Variants in HIP1R observed in about 807,000 individuals in gnomAD.
The protein encoded by HIP1R is huntingtin interacting protein 1 related.
Under a neutral mutation model 144.2 loss-of-function variants are expected in HIP1R, and 135 were observed. The observed-to-expected ratio is 0.94, with a 90% confidence interval of 0.81 to 1.08. HIP1R has a LOEUF of 1.08. HIP1R is among the 50% of genes least tolerant of loss of function. The probability of loss-of-function intolerance (pLI) is 0.00; values close to 1 mark genes in which losing one functional copy is unlikely to be tolerated. For missense variants in HIP1R, 1,462 were observed against 1,432.8 expected (o/e 1.02, Z -0.33); for synonymous variants, 698 against 612.8 (o/e 1.14, Z -2.05).
rs951463975 is a variant in HIP1R at position 122,836,454 on chromosome 12, A to G, written c.93+811A>G. Among the ~76,000 whole-genome samples, 2 of 151,924 alleles carry G rather than the reference A, an allele frequency of 1.3e-5. No homozygotes were observed. Among genetic ancestry groups the G allele is most frequent in the African/African-American group, 4.8e-5 (2 of 41,324 alleles). ...ATAAGGGCGCGGGTGTGCGTTTTGTACTTGTGTTTGTGCCGGGGACCCACG... is the reference window on the plus strand; with the variant it reads ...ATAAGGGCGCGGGTGTGCGTTTTGTGCTTGTGTTTGTGCCGGGGACCCACG... On this transcript the variant is annotated intron_variant, in intron 1 of 31. Coordinates refer to ENST00000253083, the MANE Select transcript of HIP1R (RefSeq NM_003959.3). The surrounding 1 kb of genome is among the most constrained non-coding windows in gnomAD (Gnocchi z 4.1).
intron 6 of HIP1R, 60 bp downstream of exon 6, chr12:122,850,971 C>A: frequency 1.3e-6 from 2 of 1,488,316 alleles, no homozygotes; most frequent in East Asian, 2.3e-5. Flanking sequence ...TCCTTCCTAC[C>A]GCGTCTCACG....
At chr12:122,861,213 C>CG in intron 30 of HIP1R, 21 bp downstream of exon 30, 1 of 1,612,830 alleles carries the variant, frequency 6.2e-7, no homozygotes, top group Non-Finnish European at 8.5e-7. Context: ...ATGGCTGCCC[C>CG]GTGACCTCTG....
At position 122,862,505 on chromosome 12, in the gene HIP1R, C is replaced by T. The variant is rs2135683618; in HGVS notation, c.*752C>T. On this transcript the variant is annotated 3_prime_UTR_variant, in exon 32 of 32. Transcript: ENST00000253083. ...CCCCCATTTCCTGTTTTCCATTCCCCCGTTCTGGCCGCGCCCCACTGCCCA... is the reference window on the plus strand; with the variant it reads ...CCCCCATTTCCTGTTTTCCATTCCCTCGTTCTGGCCGCGCCCCACTGCCCA... 1 of 152,552 alleles carries T rather than the reference C, an allele frequency of 6.6e-6. No individual in the cohort carries two copies. The highest frequency in any genetic ancestry group is 2.1e-4 in the South Asian group (1 of 4,832). 9.4% of individuals were successfully genotyped at this position (152,552 alleles called of 1,614,324 possible).
chr12:122,862,020 C>G lies in HIP1R; in HGVS notation c.*267C>G. 2.1e-6 allele frequency: 1 copy of G among 469,552 alleles called. No individual in the cohort carries two copies. The highest frequency in any genetic ancestry group is 3.7e-6 in the Non-Finnish European group (1 of 267,008). The allele number at this position is 469,552 out of a possible 1,614,324, so 29.1% of individuals were successfully genotyped here. A position where few individuals can be genotyped will look rare whatever the true frequency, so the allele number is the denominator to read the frequency against. ...CCGGTAGGCCTGAGCCTCAACTCTT[C>G]AGAAAATAGTGTTTTTAATATTCCT... is the stretch of plus-strand genomic sequence containing the variant. On this transcript the variant is annotated 3_prime_UTR_variant, in exon 32 of 32. Coordinates refer to ENST00000253083, the MANE Select transcript of HIP1R (RefSeq NM_003959.3).
intron 13 of HIP1R, 23 bp from the exon 14 acceptor site, chr12:122,855,957 C>G (rs1214143115): frequency 6.4e-7 from 1 of 1,573,430 alleles, no homozygotes; most frequent in Non-Finnish European, 8.6e-7. Context: ...AGGCAGGGCC[C>G]CACGTCACAC....
At chr12:122,857,525 C>T (rs989659677) in intron 18 of HIP1R, 9 of 505,106 alleles carry the variant, frequency 1.8e-5, no homozygotes, top group Non-Finnish European at 2.5e-5. Context: ...GTAAATAGTG[C>T]TGCTGTGGGC....
At position 122,851,274 on chromosome 12, in the gene HIP1R, G is replaced by C. The variant is rs772023242; in HGVS notation, c.554G>C (p.Cys185Ser). 6.4e-7 allele frequency: 1 copy of C among 1,555,390 alleles called. No homozygotes were observed. Among genetic ancestry groups the C allele is most frequent in the South Asian group, 1.2e-5 (1 of 81,866 alleles). The change falls in exon 7 of 32, where the codon TGT becomes TCT. Residue 185 changes from cysteine (C) to serine (S), a missense_variant. Coordinates refer to ENST00000253083, the MANE Select transcript of HIP1R (RefSeq NM_003959.3). ...GTGGAGATGTTTGATTACATGGATTGTGAGCTGAAGCTTTCTGAATCAGGT... is the reference window on the plus strand; with the variant it reads ...GTGGAGATGTTTGATTACATGGATTCTGAGCTGAAGCTTTCTGAATCAGGT... ...LTVEMFDYMDCELKLSESVFR... is the reference protein window; with the variant it reads ...LTVEMFDYMDSELKLSESVFR...
chr12:122,860,271 C>A, intron 26 of HIP1R, 61 bp downstream of exon 26: 1 of 1,528,170 alleles, frequency 6.5e-7, no homozygotes, highest in Non-Finnish European at 8.8e-7. Flanking sequence ...GCCTAGGCCA[C>A]CCTGGGCATG....
In HIP1R at chr12:122,840,494, A is replaced by G. The variant is rs1410205593; in HGVS notation, c.93+4851A>G. On this transcript the variant is annotated intron_variant, in intron 1 of 31. Coordinates refer to ENST00000253083, the MANE Select transcript of HIP1R (RefSeq NM_003959.3). The surrounding 1 kb of genome is among the most constrained non-coding windows in gnomAD (Gnocchi z 4.2). ...TTTCCTTATCTACAAAATGGGGGCA[A>G]TAATACTACACACCTCCTGGAGTGG... Among the ~76,000 whole-genome samples, 4 of 152,374 alleles carry G rather than the reference A, an allele frequency of 2.6e-5. No homozygotes were observed. The highest frequency in any genetic ancestry group is 6.5e-5 in the Admixed American group (1 of 15,310).
chr12:122,856,565 AC>A lies in HIP1R; in HGVS notation c.1518+18del. Reference sequence around the variant, plus strand: ...GAGTTGAAGGTATGTCCCTTGTGGCACAGGGCCCTGCCCCGGCATCCCCAGC... The same window carrying A: ...GAGTTGAAGGTATGTCCCTTGTGGCAAGGGCCCTGCCCCGGCATCCCCAGC... On this transcript the variant is annotated intron_variant, in intron 16 of 31. Transcript: ENST00000253083. The A allele has an allele frequency of 1.3e-6, 2 of 1,598,578 alleles. No homozygotes were observed. The highest frequency in any genetic ancestry group is 1.7e-6 in the Non-Finnish European group (2 of 1,171,692).
intron 23 of HIP1R, 79 bp from the exon 24 acceptor site, chr12:122,859,693 G>C: frequency 6.6e-7 from 1 of 1,521,450 alleles, no homozygotes; most frequent in Non-Finnish European, 9.1e-7. Flanking sequence ...AGAGCTGAGA[G>C]GGCAGGAGGC....
chr12:122,861,840 C>T lies in HIP1R; in HGVS notation c.*87C>T. 2.3e-6 allele frequency: 3 copies of T among 1,288,342 alleles called. No individual in the cohort carries two copies. The highest frequency in any genetic ancestry group is 1.9e-5 in the Admixed American group (1 of 53,548). 79.8% of individuals were successfully genotyped at this position (1,288,342 alleles called of 1,614,324 possible). On this transcript the variant is annotated 3_prime_UTR_variant, in exon 32 of 32. Coordinates refer to ENST00000253083, the MANE Select transcript of HIP1R (RefSeq NM_003959.3). ...AGGACCGAGAGGCCTTGCCCCTCCA[C>T]CTGGTGCCCAAGCCTCCCGCCCCAC...
At chr12:122,856,214 C>T (rs753428285) in intron 14 of HIP1R, 42 bp from the exon 15 acceptor site, 1 of 1,612,352 alleles carries the variant, frequency 6.2e-7, no homozygotes, top group South Asian at 1.1e-5. Context: ...CCAGCCCCTG[C>T]CACCCCACAC....
Position 122,856,931 on chromosome 12 carries a change from A to G in HIP1R, c.1621-90A>G, listed in dbSNP as rs1406651449. ...CTGAGTCTAATGGAAGTGATCACTA[A>G]CCCCCAGGGCCCAGTTTATAAGCGT... On this transcript the variant is annotated intron_variant, in intron 17 of 31. Coordinates refer to ENST00000253083, the MANE Select transcript of HIP1R (RefSeq NM_003959.3). The G allele has an allele frequency of 1.2e-5, 11 of 888,618 alleles. No individual in the cohort carries two copies. In the African/African-American group the frequency reaches 1.8e-4, roughly 14 times the overall value. 55.0% of individuals were successfully genotyped at this position (888,618 alleles called of 1,614,324 possible).
At chr12:122,842,998 C>G (rs2135635847) in intron 1 of HIP1R, among the ~76,000 whole-genome samples, 1 of 152,370 alleles carries the variant, frequency 6.6e-6, no homozygotes, top group African/African-American at 2.4e-5. Flanking sequence ...GCCCTCGCCC[C>G]AAGGGATGGG....
At chr12:122,847,795 G>T (rs1384486215) in intron 1 of HIP1R, among the ~76,000 whole-genome samples, 2 of 152,166 alleles carry the variant, frequency 1.3e-5, no homozygotes, top group Non-Finnish European at 2.9e-5. Context: ...GCCCAGCTTT[G>T]GTCCTTGTCC....
Position 122,855,908 on chromosome 12 carries a change from G to A in HIP1R, c.1128+5G>A, listed in dbSNP as rs76040127. ...CTGGAGAAGATCAAGCTGGAGGTGC[G>A]GGGTGGGGATGGGTGGGGGCCAGGG... On this transcript the variant is annotated splice_donor_5th_base_variant and intron_variant, in intron 13 of 31. Transcript: ENST00000253083. 20 of 1,370,836 alleles carry A rather than the reference G, an allele frequency of 1.5e-5. No homozygotes were observed. The highest frequency in any genetic ancestry group is 1.3e-4 in the African/African-American group (9 of 67,636). 84.9% of individuals were successfully genotyped at this position (1,370,836 alleles called of 1,614,324 possible).
intron 8 of HIP1R, 95 bp downstream of exon 8, chr12:122,854,278 AT>A: frequency 9.0e-7 from 1 of 1,108,810 alleles, no homozygotes; most frequent in Non-Finnish European, 1.2e-6. Flanking sequence ...TTAGAGGTTT[AT>A]TCATTTAAAA....
chr12:122,858,936 C>G lies in HIP1R; in HGVS notation c.2149C>G (p.Pro717Ala). The G allele has an allele frequency of 6.2e-7, 1 of 1,613,042 alleles. No homozygotes were observed. Among genetic ancestry groups the G allele is most frequent in the Non-Finnish European group, 8.5e-7 (1 of 1,179,856 alleles). Residue 717 changes from proline to alanine, a missense_variant, in exon 21 of 32, where the codon CCT becomes GCT. Transcript: ENST00000253083. ...GATSHLAPTDPADRLIDTCRE... is the reference protein window; with the variant it reads ...GATSHLAPTDAADRLIDTCRE... ...CACCTCGCACCTGGCTCCCACCGAC[C>G]CTGCCGACCGTAAGTGGGTCCTGGG...
Sources: allele counts gnomAD v4.1 joint callset (sites outside exome capture counted in the v4.1 genomes callset), GRCh38; gene constraint gnomAD v4.1.1; non-coding constraint Gnocchi (gnomAD v3.1); transcripts MANE v1.5; gene names NCBI Gene and HGNC (gene_info 2026-07-23, HGNC 2026-07-21).